The following DCUN1D4 variants were observed in gnomAD, a reference collection of about 807,000 sequenced individuals.
DCUN1D4 encodes the protein defective in cullin neddylation 1 domain containing 4, also known as DCN1-like protein 4.
A neutral mutation model predicts 47.9 loss-of-function variants in DCUN1D4; 22 were observed. The observed-to-expected ratio is 0.46, with a 90% CI of 0.33 to 0.66. The LOEUF is 0.66. Ranked by LOEUF, DCUN1D4 falls within the 30% of genes least tolerant of loss-of-function variation. DCUN1D4 has a pLI of 0.02. For missense variants in DCUN1D4, 301 were observed against 340.8 expected (o/e 0.88, Z 0.92); for synonymous variants, 121 against 112.2 (o/e 1.08, Z -0.50).
At chr4:51,882,623 C>T (rs923829098) in intron 5 of DCUN1D4, among the ~76,000 whole-genome samples, 10 of 151,986 alleles carry the variant, frequency 6.6e-5, no homozygotes, top group South Asian at 2.1e-4. Context: ...AAAAATTAGT[C>T]GGGCGTGGTG....
At chr4:51,899,817 T>TTACATTACTTAATGTAA (rs1731828461) in intron 8 of DCUN1D4, among the ~76,000 whole-genome samples, 1 of 152,248 alleles carries the variant, frequency 6.6e-6, no homozygotes, top group African/African-American at 2.4e-5. Context: ...AGCTAATTTC[T>TTACATTACTTAATGTAA]TACATTACTT....
At chr4:51,849,545 C>T (rs61794765) in intron 1 of DCUN1D4, among the ~76,000 whole-genome samples, 23,123 of 152,124 alleles carry the variant, frequency 0.15, 2,185 homozygotes, top group Non-Finnish European at 0.21. Context: ...AGTGATGTAT[C>T]TTTTTCATCC....
intron 5 of DCUN1D4, 53 bp downstream of exon 5, chr4:51,877,907 C>A: frequency 8.3e-7 from 1 of 1,202,740 alleles, no homozygotes; most frequent in South Asian, 1.4e-5. Context: ...ATAAGGAGTA[C>A]CTTAGAGATG....
intron 7 of DCUN1D4, among the ~76,000 whole-genome samples, chr4:51,895,951 G>C (rs754165538): frequency 5.9e-5 from 9 of 152,106 alleles, no homozygotes; most frequent in Non-Finnish European, 1.2e-4. Flanking sequence ...CCCAAGCCAG[G>C]CTCTAGAGTC....
chr4:51,888,607 T>A (rs1729909078), intron 6 of DCUN1D4, among the ~76,000 whole-genome samples: 1 of 151,080 alleles, frequency 6.6e-6, no homozygotes. Flanking sequence ...CAGGTGTGGC[T>A]ACTTAGGAGG....
chr4:51,857,917 G>A (rs995496538), intron 1 of DCUN1D4, among the ~76,000 whole-genome samples: 5 of 152,106 alleles, frequency 3.3e-5, no homozygotes, highest in African/African-American at 1.2e-4. Flanking sequence ...ACTCTTCTAG[G>A]TATTAATATT....
chr4:51,908,900 A>T (rs1323397336), intron 8 of DCUN1D4: 1 of 456,160 alleles, frequency 2.2e-6, no homozygotes, highest in South Asian at 1.5e-5. Flanking sequence ...CATCCATAAT[A>T]TCTTTCTCTT....
In DCUN1D4 at chr4:51,914,183, A is replaced by G. The variant is rs1026571200; in HGVS notation, c.*599A>G. On this transcript the variant is annotated 3_prime_UTR_variant, in exon 11 of 11. Transcript: ENST00000334635. Reference sequence around the variant, plus strand: ...GTTATAATTATTTGAACATATAGATATGTAACATGCCACAAATCATTTCTA... The same window carrying G: ...GTTATAATTATTTGAACATATAGATGTGTAACATGCCACAAATCATTTCTA... 5.9e-5 allele frequency: 9 copies of G among 152,262 alleles called. No homozygotes were observed. The highest frequency in any genetic ancestry group is 4.6e-4 in the Admixed American group (7 of 15,274). The allele number at this position is 152,262 out of a possible 1,614,324, so 9.4% of individuals were successfully genotyped here. A position where few individuals can be genotyped will look rare whatever the true frequency, so the allele number is the denominator to read the frequency against.
intron 4 of DCUN1D4, among the ~76,000 whole-genome samples, chr4:51,876,388 A>AG (rs1361708837): frequency 6.8e-6 from 1 of 147,436 alleles, no homozygotes; most frequent in African/African-American, 2.5e-5. Flanking sequence ...GGACACAGGA[A>AG]GGGGAACATC....
chr4:51,866,477 T>C (rs1005249820), intron 3 of DCUN1D4, among the ~76,000 whole-genome samples: 7 of 152,168 alleles, frequency 4.6e-5, no homozygotes, highest in African/African-American at 1.7e-4. Context: ...ATCCTTGAGA[T>C]CTTTTCATAT....
chr4:51,894,533 A>G (rs754728149), intron 7 of DCUN1D4, among the ~76,000 whole-genome samples: 35 of 152,204 alleles, frequency 2.3e-4, no homozygotes, highest in Admixed American at 3.9e-4. Context: ...AACAATATTC[A>G]GACAAAAGAT....
chr4:51,870,332 A>T (rs1034978377), intron 3 of DCUN1D4, among the ~76,000 whole-genome samples: 18 of 152,082 alleles, frequency 1.2e-4, no homozygotes, highest in African/African-American at 3.6e-4. Context: ...TTTTTATCAT[A>T]AAAAAATCAC....
Position 51,855,040 on chromosome 4 carries a change from T to G in DCUN1D4, c.26-8397T>G, listed in dbSNP as rs1038356351. 1.4e-4 allele frequency among the ~76,000 whole-genome samples: 22 copies of G among 152,152 alleles called. 1 individual carries two copies. Among genetic ancestry groups the G allele is most frequent in the Admixed American group, 9.8e-4 (15 of 15,282 alleles). ...AGGGATACTCCAAAAGATATTGGGA[T>G]AGAGTAGTGAATAAAGCAAAAGGAA... On this transcript the variant is annotated intron_variant, in intron 1 of 10. Coordinates refer to ENST00000334635, the MANE Select transcript of DCUN1D4 (RefSeq NM_001040402.3).
At chr4:51,845,009 C>G (rs1722302657) in intron 1 of DCUN1D4, 1 of 985,356 alleles carries the variant, frequency 1.0e-6, no homozygotes, top group Admixed American at 6.1e-5. Flanking sequence ...CCAGGCGCAG[C>G]CCTCTTCACG....
rs1272166450 is a variant in DCUN1D4 at position 51,874,299 on chromosome 4, C to T, written c.165C>T (p.Asp55=). ...GTCTGCGGTCTTGCAGTTCTTCAGA[C>T]TGCTTTAATAAAGTGATGCCACCAA... ...TGSLRSCSSS[D]CFNKVMPPRK... Residue 55 remains aspartate (D), a synonymous_variant, in exon 4 of 11, where the codon GAC becomes GAT. Transcript: ENST00000334635. 3 of 1,612,818 alleles carry T rather than the reference C, an allele frequency of 1.9e-6. No individual in the cohort carries two copies. The South Asian group carries it at 3.3e-5, about 18-fold the overall frequency.
intron 6 of DCUN1D4, among the ~76,000 whole-genome samples, chr4:51,888,830 G>A (rs934694272): frequency 6.6e-6 from 1 of 152,058 alleles, no homozygotes; most frequent in Non-Finnish European, 1.5e-5. Context: ...ATGTAGGCCA[G>A]GCGTGGTGGC....
intron 8 of DCUN1D4, chr4:51,905,054 A>G (rs1732669718): frequency 6.3e-6 from 2 of 316,302 alleles, no homozygotes; most frequent in Admixed American, 6.7e-5. Context: ...ACAGCTCTCT[A>G]CCAAAATTGC....
At chr4:51,857,058 T>G (rs1344806842) in intron 1 of DCUN1D4, among the ~76,000 whole-genome samples, 1 of 152,204 alleles carries the variant, frequency 6.6e-6, no homozygotes, top group Admixed American at 6.5e-5. Flanking sequence ...TATTGTGAGA[T>G]GCACAAAATC....
rs1194288109 is a variant in DCUN1D4 at position 51,915,812 on chromosome 4, T to G, written c.*2228T>G. 1 of 152,552 alleles carries G rather than the reference T, an allele frequency of 6.6e-6. No individual in the cohort carries two copies. The highest frequency in any genetic ancestry group is 1.5e-5 in the Non-Finnish European group (1 of 67,988). The allele number at this position is 152,552 out of a possible 1,614,324, so 9.4% of individuals were successfully genotyped here. On this transcript the variant is annotated 3_prime_UTR_variant, in exon 11 of 11. Coordinates refer to ENST00000334635, the MANE Select transcript of DCUN1D4 (RefSeq NM_001040402.3). ...AACATTTTGATGGTAGGGAAAAAACTGCGTAAAAACTATTGCATTATGTAT... is the reference window on the plus strand; with the variant it reads ...AACATTTTGATGGTAGGGAAAAAACGGCGTAAAAACTATTGCATTATGTAT...
Sources: gnomAD v4.1 joint callset for allele counts (sites outside exome capture counted in the v4.1 genomes callset) on GRCh38, gnomAD v4.1.1 for gene constraint, MANE v1.5 for transcripts, NCBI Gene and HGNC (gene_info 2026-07-23, HGNC 2026-07-21) for gene names.